ACADSB: variants seen among roughly 807,000 people sequenced by gnomAD.
ACADSB encodes acyl-CoA dehydrogenase short/branched chain.
ACADSB carries 40 observed loss-of-function variants against 54.1 expected under a neutral mutation model. That is an observed-to-expected ratio of 0.74 (90% CI 0.57 to 0.96). The LOEUF is 0.96. ACADSB is among the 40% of genes least tolerant of loss of function. The probability of loss-of-function intolerance (pLI) is 0.00; values close to 1 mark genes in which losing one functional copy is unlikely to be tolerated. For synonymous variants in ACADSB, 182 were observed against 182.8 expected (o/e 1.00, Z 0.03); for missense variants, 530 against 510.4 (o/e 1.04, Z -0.37).
Position 123,035,652 on chromosome 10 carries a change from G to A in ACADSB, c.202+1137G>A, listed in dbSNP as rs7087995. Among the ~76,000 whole-genome samples the A allele has an allele frequency of 5.9e-5, 9 of 152,116 alleles. No individual in the cohort carries two copies. In the South Asian group the frequency reaches 1.2e-3, roughly 21 times the overall value. On this transcript the variant is annotated intron_variant, in intron 2 of 10. Coordinates refer to ENST00000358776, the MANE Select transcript of ACADSB (RefSeq NM_001609.4). ...AGTGTGTCAGTTGGGCTGTGTTTTC[G>A]TCCAGAGCTCAGGGTCCTTCCAAGC... is the stretch of plus-strand genomic sequence containing the variant.
At chr10:123,022,049 A>C (rs1018475744) in intron 1 of ACADSB, among the ~76,000 whole-genome samples, 33 of 152,216 alleles carry the variant, frequency 2.2e-4, no homozygotes, top group Non-Finnish European at 1.0e-4. Context: ...AAGAGAAAAA[A>C]AATACATAAA....
intron 1 of ACADSB, among the ~76,000 whole-genome samples, chr10:123,013,550 G>C (rs1461527990): frequency 6.6e-6 from 1 of 152,250 alleles, no homozygotes; most frequent in Non-Finnish European, 1.5e-5. Flanking sequence ...CAGTGGAGCA[G>C]GGGGTGGCGC....
At position 123,047,296 on chromosome 10, in the gene ACADSB, C is replaced by T. The variant is rs1850573938; in HGVS notation, c.988C>T (p.Gln330Ter). The change falls in exon 8 of 11, where the codon CAG becomes TAG. Residue 330 changes from glutamine (Q) to a stop codon, truncating the protein, a stop_gained and splice_region_variant. Transcript: ENST00000358776. LOFTEE classifies it high-confidence loss of function. The part of the protein sequence containing the change: ...IQFGKRLFDF[Q>*]GLQHQVAHVA... ...ATTTGGCAAAAGACTATTTGATTTT[C>T]AGGTATGTAATTATTAGGGTCTTTC... 1 of 1,562,694 alleles carries T rather than the reference C, an allele frequency of 6.4e-7. No individual in the cohort carries two copies. Among genetic ancestry groups the T allele is most frequent in the Admixed American group, 1.7e-5 (1 of 59,910 alleles).
chr10:123,048,636 G>T (rs1170167232), intron 8 of ACADSB, among the ~76,000 whole-genome samples: 1 of 152,038 alleles, frequency 6.6e-6, no homozygotes, highest in East Asian at 1.9e-4. Flanking sequence ...ATACTAACAG[G>T]TATAATCATA....
rs369590466 is a variant in ACADSB, at chr10:123,037,805, G to A, written c.261G>A (p.Ser87=). The A allele has an allele frequency of 2.5e-5, 40 of 1,611,252 alleles. No individual in the cohort carries two copies. The East Asian group carries it at 2.9e-4, about 12-fold the overall frequency. Residue 87 remains serine, a synonymous_variant, in exon 3 of 11, where the codon TCG becomes TCA. Transcript: ENST00000358776. ...TGGTTTCAACCATGGATGAAAATTC[G>A]AAAATGGAGAAATCAGTAATACAAG... is the stretch of plus-strand genomic sequence containing the variant. ...APLVSTMDEN[S]KMEKSVIQGL...
chr10:123,048,196 A>G (rs1008272090), intron 8 of ACADSB, among the ~76,000 whole-genome samples: 1 of 152,204 alleles, frequency 6.6e-6, no homozygotes, highest in Non-Finnish European at 1.5e-5. Context: ...CATTGTCTTC[A>G]GGTTTATAAT....
At position 123,054,829 on chromosome 10, in the gene ACADSB, A is replaced by G. The variant is rs1850683772; in HGVS notation, c.*1064A>G. On this transcript the variant is annotated 3_prime_UTR_variant, in exon 11 of 11. Coordinates refer to ENST00000358776, the MANE Select transcript of ACADSB (RefSeq NM_001609.4). ...AGTGTTGGATATTCTGTCATGCACT[A>G]TTTTTCAGTTGACAATTTCTGTATT... 1 of 152,128 alleles carries G rather than the reference A, an allele frequency of 6.6e-6. No individual in the cohort carries two copies. Among genetic ancestry groups the G allele is most frequent in the Non-Finnish European group, 1.5e-5 (1 of 68,014 alleles). The allele number at this position is 152,128 out of a possible 1,614,324, so 9.4% of individuals were successfully genotyped here. A position where few individuals can be genotyped will look rare whatever the true frequency, so the allele number is the denominator to read the frequency against.
intron 1 of ACADSB, among the ~76,000 whole-genome samples, chr10:123,016,549 G>T (rs1850111557): frequency 6.6e-6 from 1 of 152,180 alleles, no homozygotes; most frequent in Non-Finnish European, 1.5e-5. Context: ...CATCCACAAG[G>T]ACTCAAATAT....
rs1171820013 is a variant in ACADSB, at chr10:123,053,712, G to A, written c.1246G>A (p.Ala416Thr). The A allele has an allele frequency of 6.2e-7, 1 of 1,614,018 alleles. No homozygotes were observed. The highest frequency in any genetic ancestry group is 1.1e-5 in the South Asian group (1 of 91,078). The change falls in exon 11 of 11, where the codon GCT becomes ACT. Residue 416 changes from alanine (A) to threonine (T), a missense_variant. By Grantham distance (58) the Ala-to-Thr change is moderately conservative. Transcript: ENST00000358776. ...TGCTTAAGGTACGATATATGAAGGA[G>A]CTTCCAACATCCAGTTGAACACCAT... Reference protein sequence around the residue: ...DAKIGTIYEGASNIQLNTIAK... With the variant: ...DAKIGTIYEGTSNIQLNTIAK...
intron 3 of ACADSB, among the ~76,000 whole-genome samples, chr10:123,040,183 TAA>T (rs11363649): frequency 4.2e-3 from 590 of 138,870 alleles, no homozygotes; most frequent in African/African-American, 0.01. Flanking sequence ...CCATCTCTAC[TAA>T]AAAAAAAAAA....
In ACADSB at chr10:123,057,937, C is replaced by T. The variant is rs953713782; in HGVS notation, c.*4172C>T. 2.0e-4 allele frequency: 30 copies of T among 152,246 alleles called. No homozygotes were observed. Among genetic ancestry groups the T allele is most frequent in the Admixed American group, 1.0e-3 (16 of 15,284 alleles). The allele number at this position is 152,246 out of a possible 1,614,324, so 9.4% of individuals were successfully genotyped here. A position where few individuals can be genotyped will look rare whatever the true frequency, so the allele number is the denominator to read the frequency against. ...ATTTCATTCTTGTTATATTTCAGTA[C>T]TCTTGCTGATTTATTTTAGGTTTAA... On this transcript the variant is annotated 3_prime_UTR_variant, in exon 11 of 11. Transcript: ENST00000358776.
intron 1 of ACADSB, among the ~76,000 whole-genome samples, chr10:123,032,735 A>G (rs1850344230): frequency 1.3e-5 from 2 of 151,918 alleles, no homozygotes; most frequent in South Asian, 4.1e-4. Flanking sequence ...GATTACAGGC[A>G]TGTGCCACCA....
intron 6 of ACADSB, 118 bp from the exon 7 acceptor site, chr10:123,044,275 G>A: frequency 1.2e-6 from 1 of 859,776 alleles, no homozygotes. Flanking sequence ...ACAGATGCCG[G>A]CAAGTTCTGT....
chr10:123,019,874 T>C (rs1207937809), intron 1 of ACADSB, among the ~76,000 whole-genome samples: 1 of 152,188 alleles, frequency 6.6e-6, no homozygotes, highest in Non-Finnish European at 1.5e-5. Flanking sequence ...CCTGTCCTGG[T>C]CTCTAATCCT....
chr10:123,023,533 C>T (rs1850210348), intron 1 of ACADSB, among the ~76,000 whole-genome samples: 1 of 152,138 alleles, frequency 6.6e-6, no homozygotes, highest in African/African-American at 2.4e-5. Flanking sequence ...GGAACTCTAG[C>T]CATGAGATAG....
chr10:123,027,973 C>T (rs558784086), intron 1 of ACADSB, among the ~76,000 whole-genome samples: 2 of 152,274 alleles, frequency 1.3e-5, no homozygotes, highest in South Asian at 4.2e-4. Context: ...TGATTAGATC[C>T]TTGATCCTGC....
At chr10:123,032,706 C>T (rs781062147) in intron 1 of ACADSB, among the ~76,000 whole-genome samples, 2 of 151,698 alleles carry the variant, frequency 1.3e-5, no homozygotes, top group Non-Finnish European at 2.9e-5. Flanking sequence ...TCTCCTGCCT[C>T]CACCTCCCGA....
intron 1 of ACADSB, among the ~76,000 whole-genome samples, chr10:123,013,784 G>T (rs1274351636): frequency 6.6e-6 from 1 of 152,204 alleles, no homozygotes; most frequent in Non-Finnish European, 1.5e-5. Context: ...CGCAGGGCCT[G>T]CCGGCCGCTC....
At chr10:123,015,937 T>A (rs776222494) in intron 1 of ACADSB, among the ~76,000 whole-genome samples, 16 of 152,198 alleles carry the variant, frequency 1.1e-4, no homozygotes, top group Non-Finnish European at 1.9e-4. Flanking sequence ...AAGGAAGACA[T>A]GTTAATAAAA....
Sources: allele counts gnomAD v4.1 joint callset (sites outside exome capture counted in the v4.1 genomes callset), GRCh38; gene constraint gnomAD v4.1.1; transcripts MANE v1.5; gene names NCBI Gene and HGNC (gene_info 2026-07-23, HGNC 2026-07-21).